Variants in SEMA3C observed in about 807,000 individuals in gnomAD.
SEMA3C encodes the protein semaphorin-3C.
Under a neutral mutation model 89.4 loss-of-function variants are expected in SEMA3C, and 47 were observed. That is an observed-to-expected ratio of 0.53 (90% CI 0.42 to 0.67). The LOEUF is 0.67. SEMA3C is among the 30% of genes least tolerant of loss of function. SEMA3C has a pLI of 0.00. For synonymous variants in SEMA3C, 310 were observed against 320.2 expected (o/e 0.97, Z 0.34); for missense variants, 839 against 929.1 (o/e 0.90, Z 1.26).
intron 4 of SEMA3C, among the ~76,000 whole-genome samples, chr7:80,824,943 A>G (rs1202695146): frequency 6.6e-6 from 1 of 152,158 alleles, no homozygotes; most frequent in African/African-American, 2.4e-5. Flanking sequence ...CATATCTAGC[A>G]CATTGTAAAG....
At chr7:80,789,602 C>T (rs1788887948) in intron 11 of SEMA3C, 74 bp from the exon 12 acceptor site, 1 of 1,052,086 alleles carries the variant, frequency 9.5e-7, no homozygotes, top group Non-Finnish European at 1.4e-6. Context: ...AAACTCTCTA[C>T]TTTTGAAATC....
intron 2 of SEMA3C, among the ~76,000 whole-genome samples, chr7:80,833,274 A>G (rs529319623): frequency 7.2e-5 from 11 of 152,080 alleles, no homozygotes; most frequent in South Asian, 4.2e-4. Context: ...CTCTACTAAA[A>G]ATACAAAAAT....
intron 15 of SEMA3C, among the ~76,000 whole-genome samples, chr7:80,756,809 C>T (rs1213802349): frequency 7.5e-6 from 1 of 133,082 alleles, no homozygotes; most frequent in Non-Finnish European, 1.5e-5. Flanking sequence ...CGCAGTAACG[C>T]CCTTTCTGAC....
At chr7:80,799,106 T>G (rs934110583) in intron 10 of SEMA3C, among the ~76,000 whole-genome samples, 1 of 152,204 alleles carries the variant, frequency 6.6e-6, no homozygotes, top group East Asian at 1.9e-4. Context: ...ATTTTTTTTC[T>G]TTGTTCAATT....
intron 5 of SEMA3C, among the ~76,000 whole-genome samples, chr7:80,818,033 T>C (rs926674811): frequency 3.3e-5 from 5 of 151,494 alleles, no homozygotes; most frequent in African/African-American, 1.2e-4. Context: ...ACTAAAACTA[T>C]ATAGTTGCCT....
intron 2 of SEMA3C, among the ~76,000 whole-genome samples, chr7:80,833,152 A>C (rs1257596629): frequency 6.6e-6 from 1 of 152,070 alleles, no homozygotes; most frequent in African/African-American, 2.4e-5. Flanking sequence ...TCGTCAATCC[A>C]GGCCTGGCAC....
chr7:80,751,397 T>A, intron 15 of SEMA3C, 61 bp from the exon 16 acceptor site: 3 of 1,426,190 alleles, frequency 2.1e-6, no homozygotes, highest in Non-Finnish European at 3.0e-6. Context: ...ACACCACTCT[T>A]AAAACACTGT....
chr7:80,748,209 A>T (rs1787842847), intron 17 of SEMA3C, among the ~76,000 whole-genome samples: 1 of 152,184 alleles, frequency 6.6e-6, no homozygotes, highest in Non-Finnish European at 1.5e-5. Context: ...GGACAACATG[A>T]CATCAATATT....
At chr7:80,868,321 G>A (rs1486777553) in intron 2 of SEMA3C, among the ~76,000 whole-genome samples, 2 of 152,032 alleles carry the variant, frequency 1.3e-5, no homozygotes, top group Non-Finnish European at 2.9e-5. Context: ...AGGCTGGAGT[G>A]CAGCGATGCA....
intron 2 of SEMA3C, among the ~76,000 whole-genome samples, chr7:80,850,397 A>G (rs1359983352): frequency 1.3e-5 from 2 of 152,208 alleles, no homozygotes; most frequent in African/African-American, 4.8e-5. Flanking sequence ...GGGACTGGGT[A>G]AATAAATTAT....
At chr7:80,762,211 T>G (rs985065360) in intron 13 of SEMA3C, among the ~76,000 whole-genome samples, 12 of 151,904 alleles carry the variant, frequency 7.9e-5, no homozygotes, top group Non-Finnish European at 1.8e-4. Flanking sequence ...GACAAATAAT[T>G]CAGAATTGGA....
chr7:80,770,669 T>C (rs1788410647), intron 12 of SEMA3C, among the ~76,000 whole-genome samples: 1 of 152,202 alleles, frequency 6.6e-6, no homozygotes, highest in Non-Finnish European at 1.5e-5. Flanking sequence ...TCAGTCTACC[T>C]GGTTAAGGAA....
intron 12 of SEMA3C, among the ~76,000 whole-genome samples, chr7:80,783,795 A>C (rs890845346): frequency 2.0e-5 from 3 of 152,200 alleles, no homozygotes; most frequent in African/African-American, 7.2e-5. Flanking sequence ...TATGTGACAC[A>C]CACTTCAAAA....
intron 2 of SEMA3C, among the ~76,000 whole-genome samples, chr7:80,831,312 T>G (rs1790004177): frequency 6.6e-6 from 1 of 152,194 alleles, no homozygotes; most frequent in Admixed American, 6.5e-5. Flanking sequence ...TTAAAATCAG[T>G]ATAATAATAG....
intron 2 of SEMA3C, chr7:80,915,671 G>A (rs1792253096): frequency 6.6e-6 from 1 of 151,174 alleles, no homozygotes; most frequent in Non-Finnish European, 1.5e-5. Flanking sequence ...GAACCTGGGA[G>A]GTGGAGACTG....
chr7:80,812,723 G>A (rs1403416854), intron 5 of SEMA3C, among the ~76,000 whole-genome samples: 1 of 151,988 alleles, frequency 6.6e-6, no homozygotes, highest in Non-Finnish European at 1.5e-5. Context: ...AATCTTCTCT[G>A]TTTCTCCCCA....
In SEMA3C at chr7:80,818,315, C is replaced by T. The variant is rs764581911; in HGVS notation, c.431G>A (p.Arg144Lys). 10 of 1,608,716 alleles carry T rather than the reference C, an allele frequency of 6.2e-6. No homozygotes were observed. The highest frequency in any genetic ancestry group is 8.5e-6 in the Non-Finnish European group (10 of 1,176,040). Residue 144 changes from arginine (R) to lysine (K), a missense_variant, in exon 5 of 18, where the codon AGA (arginine) becomes AAA (lysine). Arg to Lys is a conservative substitution (Grantham distance 26, BLOSUM62 2). Transcript: ENST00000265361. Reference protein sequence around the residue: ...AFSPVCTYLNRGRRSEDQVFM... With the variant: ...AFSPVCTYLNKGRRSEDQVFM... ...TATACTTACCTCTGATCTCCTCCCT[C>T]TGTTCAAGTAAGTACAGACAGGACT...
rs768363975 is a variant in SEMA3C, at chr7:80,820,054, C to CTTT, written c.328-1639_328-1637dup. ...CCCCTGCTAGGTACCATGTATGCTC[C>CTTT]TTTTTTTTTTTTTTTTTTTTAGAGA... On this transcript the variant is annotated intron_variant, in intron 4 of 17. Coordinates refer to ENST00000265361, the MANE Select transcript of SEMA3C (RefSeq NM_006379.5). Among the ~76,000 whole-genome samples, 106 of 124,074 alleles carry CTTT rather than the reference C, an allele frequency of 8.5e-4. 1 individual carries two copies. The highest frequency in any genetic ancestry group is 2.4e-3 in the Admixed American group (27 of 11,406). 81.4% of individuals were successfully genotyped at this position (124,074 alleles called of 152,430 possible).
intron 2 of SEMA3C, among the ~76,000 whole-genome samples, chr7:80,899,239 C>T (rs985452016): frequency 1.3e-5 from 2 of 152,122 alleles, no homozygotes; most frequent in African/African-American, 4.8e-5. Context: ...CAGGGTTTTA[C>T]CATGTTGGCC....
Sources: allele counts gnomAD v4.1 joint callset (sites outside exome capture counted in the v4.1 genomes callset), GRCh38; gene constraint gnomAD v4.1.1; transcripts MANE v1.5; gene names NCBI Gene and HGNC (gene_info 2026-07-23, HGNC 2026-07-21).